Variants in MEP1B observed in about 807,000 individuals in gnomAD.
MEP1B encodes N-benzoyl-L-tyrosyl-P-amino-benzoic acid hydrolase subunit beta.
MEP1B carries 80 observed loss-of-function variants against 84.6 expected under a neutral mutation model. The ratio of observed to expected loss-of-function variants is 0.95; its 90% CI spans 0.79 to 1.14. The LOEUF (loss-of-function observed/expected upper bound fraction) is 1.14. Among genes scored for constraint, MEP1B ranks in the 50% most tolerant of loss-of-function variants. MEP1B has a pLI of 0.00. For synonymous variants in MEP1B, 273 were observed against 288.1 expected, an observed-to-expected ratio of 0.95 and a Z score of 0.53; for missense variants, 766 against 855.1, an observed-to-expected ratio of 0.90 and a Z score of 1.30.
At chr18:32,213,603 C>A in intron 11 of MEP1B, 44 bp downstream of exon 11, 2 of 1,415,230 alleles carry the variant, frequency 1.4e-6, no homozygotes, top group South Asian at 1.2e-5. Flanking sequence ...AATCATTGCT[C>A]TAGGAGGGAC....
In MEP1B at chr18:32,208,166, G is replaced by GT; in HGVS notation, c.815dup (p.Cys273ValfsTer10). On this transcript the variant is annotated frameshift_variant, in exon 9 of 15. Coordinates refer to ENST00000269202, the MANE Select transcript of MEP1B (RefSeq NM_005925.3). LOFTEE classifies it high-confidence loss of function. ...CTCGTGCAGTTTTGAACTGGAAAAT[G>GT]TGTGTGGCATGATCCAAAGTTCAGG... 6.2e-7 allele frequency: 1 copy of GT among 1,613,946 alleles called. No homozygotes were observed. The highest frequency in any genetic ancestry group is 8.5e-7 in the Non-Finnish European group (1 of 1,179,866).
chr18:32,217,312 C>T (rs1367352019), intron 13 of MEP1B, among the ~76,000 whole-genome samples, 195 bp downstream of exon 13: 1 of 152,024 alleles, frequency 6.6e-6, no homozygotes, highest in African/African-American at 2.4e-5. Context: ...ATAGCCAACA[C>T]AATTTTTTTA....
intron 10 of MEP1B, 29 bp downstream of exon 10, chr18:32,210,745 AT>A: frequency 6.3e-7 from 1 of 1,582,092 alleles, no homozygotes; most frequent in South Asian, 1.1e-5. Flanking sequence ...TATTGTCTGG[AT>A]TTAAAATGAG....
At position 32,196,649 on chromosome 18, in the gene MEP1B, G is replaced by A. The variant is rs1207809982; in HGVS notation, c.250+1164G>A. ...GCACCCGCCTGATGTTGTCCAGCAC[G>A]CCACCTCGGGGTGTCTTCCCCAAGC... On this transcript the variant is annotated intron_variant, in intron 5 of 14. Coordinates refer to ENST00000269202, the MANE Select transcript of MEP1B (RefSeq NM_005925.3). The surrounding 1 kb of genome is among the most constrained non-coding windows in gnomAD (Gnocchi z 4.4). The A allele has an allele frequency of 2.9e-6, 2 of 686,120 alleles. No homozygotes were observed. Among genetic ancestry groups the A allele is most frequent in the East Asian group, 2.6e-5 (1 of 38,314 alleles). The allele number at this position is 686,120 out of a possible 1,614,324, so 42.5% of individuals were successfully genotyped here.
intron 9 of MEP1B, among the ~76,000 whole-genome samples, chr18:32,209,702 G>T (rs1341988198): frequency 1.0e-4 from 1 of 9,652 alleles, no homozygotes; most frequent in African/African-American, 1.5e-3. Context: ...CCAGATGGTT[G>T]CTGTAGTTAA....
chr18:32,210,454 C>T (rs1418462103), intron 9 of MEP1B, 47 bp from the exon 10 acceptor site: 1 of 1,507,500 alleles, frequency 6.6e-7, no homozygotes, highest in Non-Finnish European at 9.2e-7. Flanking sequence ...ACACACATTC[C>T]TATACCCAGT....
chr18:32,217,236 C>A, intron 13 of MEP1B, 119 bp downstream of exon 13: 1 of 1,189,734 alleles, frequency 8.4e-7, no homozygotes, highest in Non-Finnish European at 1.1e-6. Flanking sequence ...ATCTCACAGC[C>A]ATTCATAGAA....
intron 5 of MEP1B, among the ~76,000 whole-genome samples, chr18:32,201,918 G>A (rs2040916558): frequency 6.6e-6 from 1 of 152,188 alleles, no homozygotes; most frequent in Admixed American, 6.5e-5. Context: ...CTAGAAGGGA[G>A]AAAGGAAATG....
chr18:32,192,897 G>C, intron 4 of MEP1B, 80 bp downstream of exon 4: 2 of 1,128,868 alleles, frequency 1.8e-6, no homozygotes, highest in East Asian at 4.7e-5. Context: ...AGATTAGACA[G>C]CATGAACTTT....
At chr18:32,193,070 T>C (rs897145277) in intron 4 of MEP1B, among the ~76,000 whole-genome samples, 1 of 152,188 alleles carries the variant, frequency 6.6e-6, no homozygotes, top group Non-Finnish European at 1.5e-5. Flanking sequence ...CTTAGTCTTA[T>C]TGATTTGATT....
At position 32,215,123 on chromosome 18, in the gene MEP1B, A is replaced by G. The variant is rs2041068721; in HGVS notation, c.1621A>G (p.Thr541Ala). ...YFWDRPSKVG[T>A]VALFSNGTQF... ...CTGGGACAGGCCTTCTAAAGTGGGA[A>G]CAGTGGCTTTGTTCTCTAATGGAAC... Residue 541 changes from threonine to alanine, a missense_variant, in exon 12 of 15, where the codon ACA (threonine) becomes GCA (alanine). Thr to Ala is a moderately conservative substitution (Grantham distance 58). Transcript: ENST00000269202. 6.2e-7 allele frequency: 1 copy of G among 1,606,328 alleles called. No homozygotes were observed. Among genetic ancestry groups the G allele is most frequent in the African/African-American group, 1.3e-5 (1 of 74,494 alleles).
intron 7 of MEP1B, among the ~76,000 whole-genome samples, chr18:32,204,734 C>T (rs1333482782): frequency 1.3e-5 from 2 of 152,124 alleles, no homozygotes; most frequent in Admixed American, 1.3e-4. Context: ...ATTTATTCCT[C>T]ATTGTTCTGG....
At chr18:32,218,100 T>C in intron 14 of MEP1B, 135 bp downstream of exon 14, 1 of 745,968 alleles carries the variant, frequency 1.3e-6, no homozygotes, top group Non-Finnish European at 2.2e-6. Context: ...TGATTTCAGA[T>C]TATAAAAGTT....
In MEP1B at chr18:32,204,267, C is replaced by A. The variant is rs780845126; in HGVS notation, c.454C>A (p.His152Asn). 12 of 1,604,306 alleles carry A rather than the reference C, an allele frequency of 7.5e-6. No homozygotes were observed. In the South Asian group the frequency reaches 1.0e-4, roughly 14 times the overall value. Residue 152 changes from histidine (H) to asparagine (N), a missense_variant, in exon 7 of 15, where the codon CAC becomes AAC. Coordinates refer to ENST00000269202, the MANE Select transcript of MEP1B (RefSeq NM_005925.3). The part of the protein sequence containing the change: ...ANCDRIATVQ[H>N]EFLHALGFWH... ...CTGTGACCGAATAGCAACAGTTCAACACGAGTTCCTCCACGCTCTGGGATT... is the reference window on the plus strand; with the variant it reads ...CTGTGACCGAATAGCAACAGTTCAAAACGAGTTCCTCCACGCTCTGGGATT...
chr18:32,204,739 T>A (rs2040947399), intron 7 of MEP1B, among the ~76,000 whole-genome samples: 1 of 152,176 alleles, frequency 6.6e-6, no homozygotes, highest in South Asian at 2.1e-4. Context: ...TTCCTCATTG[T>A]TCTGGTGGCT....
intron 4 of MEP1B, 86 bp from the exon 5 acceptor site, chr18:32,195,321 A>C: frequency 1.2e-6 from 1 of 826,368 alleles, no homozygotes; most frequent in Non-Finnish European, 2.0e-6. Context: ...AGAGCTTTAA[A>C]CTTCATTTAT....
rs1483604528 is a variant in MEP1B, at chr18:32,213,273, C to G, written c.1293C>G (p.Ile431Met). The G allele has an allele frequency of 6.2e-7, 1 of 1,614,004 alleles. No individual in the cohort carries two copies. The highest frequency in any genetic ancestry group is 2.2e-5 in the East Asian group (1 of 44,880). The change falls in exon 11 of 15, where the codon ATC (isoleucine) becomes ATG (methionine). Residue 431 changes from isoleucine to methionine, a missense_variant. By Grantham distance (10) the Ile-to-Met change is conservative. Transcript: ENST00000269202. ...NLSETRCPHH[I>M]WHIRNFTQFI... ...CGGAAACACGGTGCCCTCATCATAT[C>G]TGGCATATAAGGAATTTCACACAGT... is the stretch of plus-strand genomic sequence containing the variant.
At position 32,196,447 on chromosome 18, in the gene MEP1B, C is replaced by G. The variant is rs572048550; in HGVS notation, c.250+962C>G. 9 of 694,044 alleles carry G rather than the reference C, an allele frequency of 1.3e-5. No individual in the cohort carries two copies. The East Asian group carries it at 2.2e-4, about 17-fold the overall frequency. The allele number at this position is 694,044 out of a possible 1,614,324, so 43.0% of individuals were successfully genotyped here. A position where few individuals can be genotyped will look rare whatever the true frequency, so the allele number is the denominator to read the frequency against. On this transcript the variant is annotated intron_variant, in intron 5 of 14. Transcript: ENST00000269202. This position sits in a 1 kb window ranked among gnomAD's most constrained non-coding sequence, Gnocchi z 4.4. ...GGTCTTACAGAGGGTGTGCAGCCAG[C>G]CCTTCCTTCTGGTGCTGCAGGGCCG...
rs548698581 is a variant in MEP1B at position 32,196,241 on chromosome 18, C to T, written c.250+756C>T. ...GGAATGAAGAGGATGCCATTGATGCCTTTGAACTGCTCCAAGACGCTGGCC... is the reference window on the plus strand; with the variant it reads ...GGAATGAAGAGGATGCCATTGATGCTTTTGAACTGCTCCAAGACGCTGGCC... On this transcript the variant is annotated intron_variant, in intron 5 of 14. Transcript: ENST00000269202. The surrounding 1 kb of genome is among the most constrained non-coding windows in gnomAD (Gnocchi z 4.4). 4 of 701,304 alleles carry T rather than the reference C, an allele frequency of 5.7e-6. No individual in the cohort carries two copies. The Admixed American group carries it at 7.9e-5, about 14-fold the overall frequency. 43.4% of individuals were successfully genotyped at this position (701,304 alleles called of 1,614,324 possible). A position where few individuals can be genotyped will look rare whatever the true frequency, so the allele number is the denominator to read the frequency against.
Sources: gnomAD v4.1 joint callset for allele counts (sites outside exome capture counted in the v4.1 genomes callset) on GRCh38, gnomAD v4.1.1 for gene constraint, Gnocchi (gnomAD v3.1) non-coding constraint, MANE v1.5 for transcripts, NCBI Gene and HGNC (gene_info 2026-07-23, HGNC 2026-07-21) for gene names.